The following FAM227B variants were observed in gnomAD, a reference collection of about 807,000 sequenced individuals.
The protein encoded by FAM227B is family with sequence similarity 227 member B, also known as protein FAM227B.
In FAM227B, 88 loss-of-function variants were observed where a neutral mutation model predicts 73.8. The ratio of observed to expected loss-of-function variants is 1.19; its 90% CI spans 1.00 to 1.42. The LOEUF is 1.42. Among genes scored for constraint, FAM227B ranks in the 40% most tolerant of loss-of-function variants. The probability of loss-of-function intolerance (pLI) is 0.00; values close to 1 mark genes in which losing one functional copy is unlikely to be tolerated. For synonymous variants in FAM227B, 210 were observed against 190.5 expected, an observed-to-expected ratio of 1.10 and a Z score of -0.84; for missense variants, 632 against 590.9, an observed-to-expected ratio of 1.07 and a Z score of -0.72.
At chr15:49,339,112 C>T (rs568719735) in intron 13 of FAM227B, among the ~76,000 whole-genome samples, 1 of 152,056 alleles carries the variant, frequency 6.6e-6, no homozygotes, top group African/African-American at 2.4e-5. Context: ...TATTACCCAC[C>T]TTCTGAAGCC....
chr15:49,611,348 T>A (rs1377560053), intron 2 of FAM227B, 80 bp from the exon 3 acceptor site: 2 of 711,390 alleles, frequency 2.8e-6, no homozygotes, highest in Admixed American at 4.8e-5. Flanking sequence ...TTTACTTAAA[T>A]AAAATGATAC....
intron 11 of FAM227B, among the ~76,000 whole-genome samples, chr15:49,377,744 A>G (rs549261801): frequency 6.6e-6 from 1 of 152,244 alleles, no homozygotes; most frequent in Admixed American, 6.5e-5. Flanking sequence ...AGCTCCTTAT[A>G]TACCCTGGTT....
At chr15:49,498,982 C>T (rs970421947) in intron 11 of FAM227B, among the ~76,000 whole-genome samples, 111 of 151,142 alleles carry the variant, frequency 7.3e-4, no homozygotes, top group South Asian at 1.3e-3. Flanking sequence ...CCGGCTAAAA[C>T]GGTGAAACCC....
Position 49,355,258 on chromosome 15 carries a change from C to G in FAM227B, c.1271+12190G>C, listed in dbSNP as rs1025747052. ...GGATGGAGAATGACTTTGAAGAGCT[C>G]AGAGAAGAAGGCTTCAGACTATCAA... On this transcript the variant is annotated intron_variant, in intron 13 of 15. Coordinates refer to ENST00000299338, the MANE Select transcript of FAM227B (RefSeq NM_152647.3). 2.6e-5 allele frequency among the ~76,000 whole-genome samples: 4 copies of G among 152,188 alleles called. No homozygotes were observed. The East Asian group carries it at 7.7e-4, about 29-fold the overall frequency.
chr15:49,429,112 A>G (rs1197388961), intron 11 of FAM227B, among the ~76,000 whole-genome samples: 1 of 152,044 alleles, frequency 6.6e-6, no homozygotes, highest in Admixed American at 6.6e-5. Context: ...ATCTAAAAGA[A>G]CAATAATTCA....
At chr15:49,337,479 T>C (rs1184757492) in intron 13 of FAM227B, among the ~76,000 whole-genome samples, 1 of 63,848 alleles carries the variant, frequency 1.6e-5, no homozygotes. Flanking sequence ...TGTTGGACAC[T>C]TGCAATGTCT....
At chr15:49,485,441 T>C (rs1348488620) in intron 11 of FAM227B, 3 of 152,100 alleles carry the variant, frequency 2.0e-5, no homozygotes, top group Non-Finnish European at 4.4e-5. Flanking sequence ...TTTTGAACTT[T>C]ATTGTTTTGT....
chr15:49,524,481 G>T (rs866134316), intron 10 of FAM227B, among the ~76,000 whole-genome samples: 3 of 152,324 alleles, frequency 2.0e-5, no homozygotes, highest in Middle Eastern at 3.4e-3. Flanking sequence ...GAAGTTTGCT[G>T]CACGGGAGGG....
intron 11 of FAM227B, among the ~76,000 whole-genome samples, chr15:49,421,397 A>G (rs977403765): frequency 2.0e-5 from 3 of 152,236 alleles, no homozygotes; most frequent in South Asian, 2.1e-4. Flanking sequence ...TAATCTGTTC[A>G]TTAATATTAC....
At chr15:49,489,801 TTTTATATATATATATATA>T (rs2056746769) in intron 11 of FAM227B, among the ~76,000 whole-genome samples, 3 of 59,120 alleles carry the variant, frequency 5.1e-5, no homozygotes, top group Non-Finnish European at 9.9e-5. Context: ...TATATATATA[TTTTATATATATATATATA>T]TTTTATATAT....
rs536634519 is a variant in FAM227B at position 49,455,109 on chromosome 15, C to T, written c.1012+53102G>A. ...TTAAAGCATATTCTCTAGGCCTCAA[C>T]CCTCACCTATTGAGTCAAAATCTCT... is the stretch of plus-strand genomic sequence containing the variant. On this transcript the variant is annotated intron_variant, in intron 11 of 15. Coordinates refer to ENST00000299338, the MANE Select transcript of FAM227B (RefSeq NM_152647.3). Among the ~76,000 whole-genome samples the T allele has an allele frequency of 4.6e-5, 7 of 152,244 alleles. No individual in the cohort carries two copies. In the South Asian group the frequency reaches 1.5e-3, roughly 32 times the overall value.
chr15:49,450,225 A>C (rs929452812), intron 11 of FAM227B, among the ~76,000 whole-genome samples: 3 of 152,110 alleles, frequency 2.0e-5, no homozygotes, highest in Non-Finnish European at 4.4e-5. Context: ...CAGAAGAATA[A>C]CAATTGAACA....
intron 11 of FAM227B, among the ~76,000 whole-genome samples, chr15:49,489,825 TA>T (rs2056795275): frequency 4.5e-5 from 1 of 22,062 alleles, no homozygotes; most frequent in Admixed American, 7.4e-4. Flanking sequence ...ATATATTTTA[TA>T]TATATATATA....
chr15:49,559,837 A>C (rs951430005), intron 9 of FAM227B, among the ~76,000 whole-genome samples: 3 of 152,086 alleles, frequency 2.0e-5, no homozygotes, highest in Non-Finnish European at 4.4e-5. Flanking sequence ...CAGGAGGCTG[A>C]GGCAGGAGAA....
chr15:49,489,440 T>A, intron 11 of FAM227B: 1 of 896,544 alleles, frequency 1.1e-6, no homozygotes, highest in East Asian at 1.2e-4. Context: ...GACTTCCTCT[T>A]AGCCTGAGAT....
At position 49,431,221 on chromosome 15, in the gene FAM227B, G is replaced by T. The variant is rs116555408; in HGVS notation, c.1013-59822C>A. ...TCTAACATTTTTACCCCTCAAATAG[G>T]TTGTAAATGAAAATCCTCTGCCTTC... On this transcript the variant is annotated intron_variant, in intron 11 of 15. Transcript: ENST00000299338. Among the ~76,000 whole-genome samples the T allele has an allele frequency of 8.3e-3, 1,264 of 151,698 alleles. 25 individuals carry two copies. Among genetic ancestry groups the T allele is most frequent in the African/African-American group, 0.029 (1,208 of 41,420 alleles).
intron 9 of FAM227B, among the ~76,000 whole-genome samples, chr15:49,552,066 T>C (rs1201967860): frequency 6.6e-6 from 1 of 151,518 alleles, no homozygotes; most frequent in East Asian, 1.9e-4. Context: ...TTCTGTGTAC[T>C]TACTATTACC....
At chr15:49,353,697 GTAT>G (rs974631389) in intron 13 of FAM227B, 16 of 150,140 alleles carry the variant, frequency 1.1e-4, no homozygotes, top group African/African-American at 3.9e-4. Flanking sequence ...TTCGCCCAGA[GTAT>G]TTTAGAAGGA....
intron 3 of FAM227B, among the ~76,000 whole-genome samples, chr15:49,594,731 C>G (rs1003543602): frequency 2.0e-5 from 3 of 152,108 alleles, no homozygotes; most frequent in African/African-American, 7.2e-5. Context: ...GATCAGTTGG[C>G]TGTCAATATT....
Sources: allele counts gnomAD v4.1 joint callset (sites outside exome capture counted in the v4.1 genomes callset), GRCh38; gene constraint gnomAD v4.1.1; transcripts MANE v1.5; gene names NCBI Gene and HGNC (gene_info 2026-07-23, HGNC 2026-07-21).